PCCA: variants seen among roughly 807,000 people sequenced by gnomAD.
The protein encoded by PCCA is propionyl-CoA carboxylase alpha chain, mitochondrial.
A neutral mutation model predicts 101.3 loss-of-function variants in PCCA; 74 were observed. The ratio of observed to expected loss-of-function variants is 0.73; its 90% CI spans 0.61 to 0.89. PCCA has a LOEUF of 0.89. Among genes scored for constraint, PCCA ranks in the 40% least tolerant of loss-of-function variants. The probability of loss-of-function intolerance (pLI) is 0.00; values close to 1 mark genes in which losing one functional copy is unlikely to be tolerated. For missense variants in PCCA, 891 were observed against 907.0 expected, an observed-to-expected ratio of 0.98 and a Z score of 0.23; for synonymous variants, 294 against 313.6, an observed-to-expected ratio of 0.94 and a Z score of 0.66.
At chr13:100,494,189 A>AAAATAAATAAAT (rs3058405) in intron 21 of PCCA, among the ~76,000 whole-genome samples, 1 of 151,850 alleles carries the variant, frequency 6.6e-6, no homozygotes, top group African/African-American at 2.4e-5. Flanking sequence ...TCTGTCTCAA[A>AAAATAAATAAAT]AAATAAATAA....
intron 18 of PCCA, among the ~76,000 whole-genome samples, 167 bp from the exon 19 acceptor site, chr13:100,368,304 CA>C (rs2075345349): frequency 6.6e-6 from 1 of 152,014 alleles, no homozygotes; most frequent in Non-Finnish European, 1.5e-5. Flanking sequence ...AACAATTAGG[CA>C]ATTCAAATTC....
intron 4 of PCCA, among the ~76,000 whole-genome samples, chr13:100,139,571 C>G (rs1414616642): frequency 6.6e-6 from 1 of 151,624 alleles, no homozygotes; most frequent in African/African-American, 2.4e-5. Flanking sequence ...TTAAAATTTT[C>G]CATTGGTTTC....
At chr13:100,366,436 G>A (rs1055245717) in intron 18 of PCCA, among the ~76,000 whole-genome samples, 5 of 152,032 alleles carry the variant, frequency 3.3e-5, no homozygotes, top group Non-Finnish European at 5.9e-5. Context: ...TCTCCATCCT[G>A]TGCCAGGAGC....
chr13:100,458,440 TACACACAC>T (rs777836240), intron 21 of PCCA, among the ~76,000 whole-genome samples: 2,370 of 118,772 alleles, frequency 0.02, 42 homozygotes, highest in East Asian at 0.058. Context: ...CACACACACA[TACACACAC>T]ACACACACAC....
At chr13:100,405,726 C>G (rs942728155) in intron 19 of PCCA, among the ~76,000 whole-genome samples, 1 of 151,094 alleles carries the variant, frequency 6.6e-6, no homozygotes, top group Non-Finnish European at 1.5e-5. Flanking sequence ...TTTAAGGTCC[C>G]AAGCTAAACT....
intron 4 of PCCA, among the ~76,000 whole-genome samples, chr13:100,151,571 A>G (rs545849311): frequency 2.6e-5 from 4 of 152,064 alleles, no homozygotes; most frequent in Admixed American, 1.3e-4. Context: ...CAGCCTGGGC[A>G]AGAGCAAAAA....
At chr13:100,469,001 C>G (rs546400343) in intron 21 of PCCA, among the ~76,000 whole-genome samples, 1 of 151,252 alleles carries the variant, frequency 6.6e-6, no homozygotes, top group Non-Finnish European at 1.5e-5. Context: ...CACCTGAGGT[C>G]GGGAGTTCGA....
intron 6 of PCCA, among the ~76,000 whole-genome samples, chr13:100,190,337 G>T (rs1594636938): frequency 6.6e-6 from 1 of 152,172 alleles, no homozygotes; most frequent in Non-Finnish European, 1.5e-5. Context: ...AAAATAAAGA[G>T]TCAAAGCATT....
chr13:100,494,693 T>C (rs1015565964), intron 21 of PCCA, among the ~76,000 whole-genome samples: 1 of 123,188 alleles, frequency 8.1e-6, no homozygotes, highest in African/African-American at 3.4e-5. Context: ...AAAAAAAAAA[T>C]TTTGTAATTC....
chr13:100,102,890 T>C lies in PCCA; in HGVS notation c.113T>C (p.Leu38Pro), dbSNP rs2152250626. Reference protein sequence around the residue: ...SAALRTLKHVLYYSRQCLMVS... With the variant: ...SAALRTLKHVPYYSRQCLMVS... ...GCTTTCCTTTTTTTGTAGCATGTTC[T>C]GTACTATTCAAGACAGTGCTTAATG... is the stretch of plus-strand genomic sequence containing the variant. Residue 38 changes from leucine to proline, a missense_variant, in exon 2 of 24, where the codon CTG becomes CCG. By Grantham distance (98) the Leu-to-Pro change is moderately conservative (BLOSUM62 -3). Transcript: ENST00000376285. 1 of 1,610,354 alleles carries C rather than the reference T, an allele frequency of 6.2e-7. No homozygotes were observed. The highest frequency in any genetic ancestry group is 8.5e-7 in the Non-Finnish European group (1 of 1,176,590).
intron 21 of PCCA, among the ~76,000 whole-genome samples, chr13:100,458,431 A>G (rs1450225870): frequency 1.4e-5 from 1 of 71,606 alleles, no homozygotes; most frequent in East Asian, 5.2e-4. Context: ...GCGCACACAC[A>G]CACACACATA....
intron 6 of PCCA, among the ~76,000 whole-genome samples, chr13:100,185,803 C>A (rs1254469927): frequency 2.6e-5 from 4 of 151,910 alleles, no homozygotes; most frequent in African/African-American, 7.3e-5. Flanking sequence ...ATGTGCCACC[C>A]CGCCTGACTA....
intron 22 of PCCA, among the ~76,000 whole-genome samples, chr13:100,526,193 C>A (rs924316329): frequency 6.6e-6 from 1 of 152,182 alleles, no homozygotes; most frequent in African/African-American, 2.4e-5. Context: ...GTTCTGACAC[C>A]CCTGATGGGG....
At chr13:100,094,140 A>G (rs982608267) in intron 1 of PCCA, among the ~76,000 whole-genome samples, 20 of 151,662 alleles carry the variant, frequency 1.3e-4, no homozygotes, top group Non-Finnish European at 2.2e-4. Context: ...AGGCAGGAGA[A>G]TCACTTGAAC....
intron 16 of PCCA, among the ~76,000 whole-genome samples, chr13:100,311,291 T>C (rs1023544599): frequency 6.6e-6 from 1 of 152,112 alleles, no homozygotes; most frequent in African/African-American, 2.4e-5. Flanking sequence ...CAAATGACTT[T>C]GTCTCTCTGA....
chr13:100,323,176 G>A (rs1351165512), intron 16 of PCCA, among the ~76,000 whole-genome samples: 2 of 152,228 alleles, frequency 1.3e-5, no homozygotes, highest in South Asian at 2.1e-4. Context: ...GGCTGGCTGT[G>A]TTCTAATAAA....
chr13:100,498,677 A>G (rs2085451137), intron 21 of PCCA, among the ~76,000 whole-genome samples: 1 of 151,890 alleles, frequency 6.6e-6, no homozygotes, highest in South Asian at 2.1e-4. Flanking sequence ...TCCCCCAGCA[A>G]CCCCTAGCCT....
chr13:100,343,085 A>G (rs2152759175), intron 18 of PCCA, among the ~76,000 whole-genome samples: 1 of 152,258 alleles, frequency 6.6e-6, no homozygotes, highest in African/African-American at 2.4e-5. Context: ...AATCCCAGCT[A>G]CTAGGGAGGC....
intron 9 of PCCA, among the ~76,000 whole-genome samples, chr13:100,262,184 G>A (rs564453137): frequency 2.6e-5 from 4 of 152,170 alleles, no homozygotes; most frequent in Admixed American, 2.0e-4. Flanking sequence ...CCTTAGGTCA[G>A]GAGTTCAAGA....
Sources: allele counts gnomAD v4.1 joint callset (sites outside exome capture counted in the v4.1 genomes callset), GRCh38; gene constraint gnomAD v4.1.1; transcripts MANE v1.5; gene names NCBI Gene and HGNC (gene_info 2026-07-23, HGNC 2026-07-21).